PRKD1: variants seen among roughly 807,000 people sequenced by gnomAD.
The protein encoded by PRKD1 is protein kinase D1.
A neutral mutation model predicts 95.9 loss-of-function variants in PRKD1; 63 were observed. The ratio of observed to expected loss-of-function variants is 0.66; its 90% CI spans 0.54 to 0.81. PRKD1 has a LOEUF of 0.81. PRKD1 is among the 30% of genes least tolerant of loss of function. The pLI is 0.00. For missense variants in PRKD1, 1,048 were observed against 1,165.3 expected (o/e 0.90, Z 1.47); for synonymous variants, 425 against 423.1 (o/e 1.00, Z -0.05).
chr14:29,674,193 G>A (rs575122775), intron 2 of PRKD1, among the ~76,000 whole-genome samples: 13 of 152,164 alleles, frequency 8.5e-5, no homozygotes, highest in Non-Finnish European at 1.8e-4. Flanking sequence ...GGAGAGGAAT[G>A]CTGTTTCTAA....
At chr14:29,774,569 T>C (rs1342063887) in intron 1 of PRKD1, among the ~76,000 whole-genome samples, 3 of 152,216 alleles carry the variant, frequency 2.0e-5, no homozygotes, top group South Asian at 2.1e-4. Context: ...TAAGGCATAG[T>C]ACAGCAATTT....
chr14:29,848,368 C>T (rs933563482), intron 1 of PRKD1, among the ~76,000 whole-genome samples: 4 of 152,068 alleles, frequency 2.6e-5, no homozygotes, highest in African/African-American at 9.7e-5. Context: ...CTTCCCACTC[C>T]ACCCACACAC....
rs540716070 is a variant in PRKD1 at position 29,927,702 on chromosome 14, G to A, written c.-190C>T. On this transcript the variant is annotated 5_prime_UTR_variant, in exon 1 of 18. Coordinates refer to ENST00000331968, the MANE Select transcript of PRKD1 (RefSeq NM_002742.3). Reference sequence around the variant, plus strand: ...GGATCGGGAGGGGAGGGGACTAAGGGGAGGAGATGGGGAGGAGGGAAAATG... The same window carrying A: ...GGATCGGGAGGGGAGGGGACTAAGGAGAGGAGATGGGGAGGAGGGAAAATG... The A allele has an allele frequency of 7.8e-4, 179 of 230,016 alleles. No homozygotes were observed. Among genetic ancestry groups the A allele is most frequent in the African/African-American group, 3.8e-3 (162 of 43,198 alleles). The allele number at this position is 230,016 out of a possible 1,614,324, so 14.2% of individuals were successfully genotyped here. A position where few individuals can be genotyped will look rare whatever the true frequency, so the allele number is the denominator to read the frequency against.
intron 1 of PRKD1, among the ~76,000 whole-genome samples, chr14:29,832,899 C>T (rs1891469360): frequency 6.6e-6 from 1 of 151,798 alleles, no homozygotes; most frequent in African/African-American, 2.4e-5. Context: ...TTATTTTATT[C>T]CTTTTGTACC....
chr14:29,687,928 T>C (rs1393670617), intron 2 of PRKD1, among the ~76,000 whole-genome samples: 5 of 152,200 alleles, frequency 3.3e-5, no homozygotes, highest in Non-Finnish European at 1.5e-5. Flanking sequence ...CTAATACTTG[T>C]ATTAGTTTCC....
intron 1 of PRKD1, among the ~76,000 whole-genome samples, chr14:29,877,160 A>G (rs1426683365): frequency 6.6e-6 from 1 of 152,120 alleles, no homozygotes; most frequent in Non-Finnish European, 1.5e-5. Context: ...TCAAAGAAAA[A>G]AAAAGAAGAA....
chr14:29,865,898 C>G (rs890405017), intron 1 of PRKD1, among the ~76,000 whole-genome samples: 3 of 152,106 alleles, frequency 2.0e-5, no homozygotes, highest in Non-Finnish European at 4.4e-5. Context: ...ACTGACTATC[C>G]ATTAACTTCC....
intron 2 of PRKD1, among the ~76,000 whole-genome samples, chr14:29,699,530 G>A (rs1044984692): frequency 2.0e-5 from 3 of 152,002 alleles, no homozygotes; most frequent in Non-Finnish European, 4.4e-5. Flanking sequence ...TTCTGAATGA[G>A]GCTCCATGTG....
Position 29,636,358 on chromosome 14 carries a change from C to G in PRKD1, c.1122G>C (p.Glu374Asp). ...MVQDAEMAMA[E>D]CQNDSGEMQD... ...GCATCTCGCCACTGTCGTTCTGGCA[C>G]TCTGCCATTGCCATCTCTGCATCTT... The change falls in exon 7 of 18, where the codon GAG (glutamate) becomes GAC (aspartate). Residue 374 changes from glutamate to aspartate, a missense_variant. Glu to Asp is a conservative substitution (Grantham distance 45). Transcript: ENST00000331968. 1 of 1,614,234 alleles carries G rather than the reference C, an allele frequency of 6.2e-7. No homozygotes were observed. Among genetic ancestry groups the G allele is most frequent in the East Asian group, 2.2e-5 (1 of 44,864 alleles).
At chr14:29,900,752 C>T (rs1200607701) in intron 1 of PRKD1, among the ~76,000 whole-genome samples, 3 of 152,124 alleles carry the variant, frequency 2.0e-5, no homozygotes, top group African/African-American at 7.2e-5. Flanking sequence ...CACTAATCAT[C>T]AGAGAAATGC....
At chr14:29,743,681 C>G (rs78982907) in intron 1 of PRKD1, among the ~76,000 whole-genome samples, 3,960 of 152,294 alleles carry the variant, frequency 0.026, 72 homozygotes, top group Non-Finnish European at 0.038. Context: ...ATCTGAGTTT[C>G]CTGCATGCAC....
At chr14:29,867,927 T>C (rs985116843) in intron 1 of PRKD1, among the ~76,000 whole-genome samples, 6 of 152,236 alleles carry the variant, frequency 3.9e-5, no homozygotes, top group Non-Finnish European at 7.3e-5. Context: ...GGATTAGTCA[T>C]AGACCCTGAA....
chr14:29,637,832 ATT>A (rs1880485304), intron 6 of PRKD1, among the ~76,000 whole-genome samples: 1 of 152,200 alleles, frequency 6.6e-6, no homozygotes, highest in Non-Finnish European at 1.5e-5. Context: ...TTTTACAGCC[ATT>A]TTCCTTTCCA....
intron 4 of PRKD1, among the ~76,000 whole-genome samples, chr14:29,660,275 A>G (rs945148647): frequency 6.6e-6 from 1 of 152,246 alleles, no homozygotes; most frequent in Non-Finnish European, 1.5e-5. Flanking sequence ...TTTGTGTAAC[A>G]GCACATTGCC....
intron 2 of PRKD1, among the ~76,000 whole-genome samples, chr14:29,719,786 C>G (rs1332654031): frequency 6.6e-6 from 1 of 152,164 alleles, no homozygotes; most frequent in Non-Finnish European, 1.5e-5. Context: ...AAATCTTCCC[C>G]CTCTGTGCAG....
Position 29,632,938 on chromosome 14 carries a change from C to A in PRKD1, c.1323G>T (p.Arg441=). 1 of 1,613,120 alleles carries A rather than the reference C, an allele frequency of 6.2e-7. No homozygotes were observed. The change falls in exon 9 of 18, where the codon CGG becomes CGT. Residue 441 remains arginine (R), a synonymous_variant. Coordinates refer to ENST00000331968, the MANE Select transcript of PRKD1 (RefSeq NM_002742.3). ...HYTSKDTLRK[R]HYWRLDSKCI... ...ATTTGCTATCCAATCTCCAATAGTG[C>A]CGTTTCCGCTGAAACAGAAGTTAGA... is the stretch of plus-strand genomic sequence containing the variant.
intron 1 of PRKD1, among the ~76,000 whole-genome samples, chr14:29,791,192 G>A (rs895960364): frequency 3.3e-5 from 5 of 152,168 alleles, no homozygotes; most frequent in Admixed American, 1.3e-4. Flanking sequence ...TGTAGGGAAA[G>A]TGAAACTGTC....
At chr14:29,679,752 G>T (rs1285521721) in intron 2 of PRKD1, among the ~76,000 whole-genome samples, 2 of 146,628 alleles carry the variant, frequency 1.4e-5, no homozygotes, top group African/African-American at 5.1e-5. Context: ...TTCTGATCTG[G>T]AGTCTCACTC....
intron 2 of PRKD1, among the ~76,000 whole-genome samples, chr14:29,720,506 G>A (rs1306593856): frequency 2.0e-5 from 3 of 151,908 alleles, no homozygotes; most frequent in Non-Finnish European, 4.4e-5. Context: ...CCCAAGCCGA[G>A]CACGGTGGCT....
Sources: allele counts gnomAD v4.1 joint callset (sites outside exome capture counted in the v4.1 genomes callset), GRCh38; gene constraint gnomAD v4.1.1; transcripts MANE v1.5; gene names NCBI Gene and HGNC (gene_info 2026-07-23, HGNC 2026-07-21).